The following UBA5 variants were observed in gnomAD, a reference collection of about 807,000 sequenced individuals.
UBA5 encodes ubiquitin like modifier activating enzyme 5, also known as ubiquitin-like modifier-activating enzyme 5.
A neutral mutation model predicts 52.9 loss-of-function variants in UBA5; 28 were observed. The ratio of observed to expected loss-of-function variants is 0.53; its 90% CI spans 0.39 to 0.73. UBA5 has a LOEUF of 0.73. UBA5 is among the 30% of genes least tolerant of loss of function. The pLI, the probability that UBA5 is intolerant of heterozygous loss-of-function variation, is 0.00. For synonymous variants in UBA5, 135 were observed against 162.1 expected, an observed-to-expected ratio of 0.83 and a Z score of 1.27; for missense variants, 388 against 492.7, an observed-to-expected ratio of 0.79 and a Z score of 2.01.
At chr3:132,667,678 A>G (rs1938433492) in intron 3 of UBA5, 1 of 152,182 alleles carries the variant, frequency 6.6e-6, no homozygotes, top group Non-Finnish European at 1.5e-5. Flanking sequence ...CACCAGATCT[A>G]TATTCGCTGC....
chr3:132,656,515 G>A (rs184784042), upstream of UBA5, among the ~76,000 whole-genome samples: 81 of 147,572 alleles, frequency 5.5e-4, 1 homozygote, highest in African/African-American at 1.9e-3. Context: ...TTTTTGAGAC[G>A]GAGTCTGCCT....
chr3:132,656,128 G>A (rs1049183742), upstream of UBA5, among the ~76,000 whole-genome samples: 8 of 152,048 alleles, frequency 5.3e-5, no homozygotes, highest in African/African-American at 1.2e-4. Flanking sequence ...ATTTCTTCAC[G>A]TTTTTCATTC....
At position 132,672,309 on chromosome 3, in the gene UBA5, T is replaced by A. The variant is rs187953399; in HGVS notation, c.812+132T>A. 1,717 of 1,034,466 alleles carry A rather than the reference T, an allele frequency of 1.7e-3. 4 individuals are homozygous for A. The highest frequency in any genetic ancestry group is 2.1e-3 in the Non-Finnish European group (1,530 of 741,340). The allele number at this position is 1,034,466 out of a possible 1,614,324, so 64.1% of individuals were successfully genotyped here. A position where few individuals can be genotyped will look rare whatever the true frequency, so the allele number is the denominator to read the frequency against. On this transcript the variant is annotated intron_variant, in intron 8 of 11. Transcript: ENST00000356232. ...TAGTTACTTTAAACTTAAATGTAGT[T>A]TTAAATGTTTTATATATGTATATGT...
chr3:132,668,320 G>T (rs1938464324), intron 3 of UBA5: 1 of 152,508 alleles, frequency 6.6e-6, no homozygotes, highest in Admixed American at 6.5e-5. Flanking sequence ...ATACACAAAA[G>T]GAGTCAGGTT....
upstream of UBA5, among the ~76,000 whole-genome samples, chr3:132,658,483 T>A (rs545589781): frequency 6.6e-6 from 1 of 152,218 alleles, no homozygotes; most frequent in Admixed American, 6.5e-5. Flanking sequence ...AACGTTACTA[T>A]CTCCTTTTTG....
In UBA5 at chr3:132,660,803, C is replaced by T; in HGVS notation, c.161+105C>T. Reference sequence around the variant, plus strand: ...GTCCCGCTCATGGGGACGCCCGCCACCCTTTTCTTGGTCTGCGAATCCTGT... The same window carrying T: ...GTCCCGCTCATGGGGACGCCCGCCATCCTTTTCTTGGTCTGCGAATCCTGT... On this transcript the variant is annotated intron_variant, in intron 1 of 11. Coordinates refer to ENST00000356232, the MANE Select transcript of UBA5 (RefSeq NM_024818.6). This position sits in a 1 kb window ranked among gnomAD's most constrained non-coding sequence, Gnocchi z 4.1. The T allele has an allele frequency of 2.1e-6, 3 of 1,449,930 alleles. No homozygotes were observed. The highest frequency in any genetic ancestry group is 2.7e-6 in the Non-Finnish European group (3 of 1,097,522). 89.8% of individuals were successfully genotyped at this position (1,449,930 alleles called of 1,614,324 possible).
rs1271360338 is a variant in UBA5 at position 132,668,728 on chromosome 3, C to T, written c.298-90C>T. On this transcript the variant is annotated intron_variant, in intron 3 of 11. Coordinates refer to ENST00000356232, the MANE Select transcript of UBA5 (RefSeq NM_024818.6). Reference sequence around the variant, plus strand: ...CTAATATTATTATCAAACTGCTAAACTAATTAAATGTAAAGCTCTCTAATT... The same window carrying T: ...CTAATATTATTATCAAACTGCTAAATTAATTAAATGTAAAGCTCTCTAATT... The T allele has an allele frequency of 8.9e-6, 7 of 788,994 alleles. No individual in the cohort carries two copies. The Admixed American group carries it at 1.8e-4, about 21-fold the overall frequency. The allele number at this position is 788,994 out of a possible 1,614,324, so 48.9% of individuals were successfully genotyped here.
Position 132,676,288 on chromosome 3 carries a change from CTCTG to C in UBA5, c.1132-151_1132-148del, listed in dbSNP as rs1403674836. Among the ~76,000 whole-genome samples the C allele has an allele frequency of 1.3e-5, 2 of 152,040 alleles. No homozygotes were observed. Among genetic ancestry groups the C allele is most frequent in the East Asian group, 1.9e-4 (1 of 5,200 alleles). ...AAAGACTGGTGAGGAATGTAAAAGA[CTCTG>C]TCTTTCTTCTAAAAATTAGAAGATA... On this transcript the variant is annotated intron_variant, in intron 11 of 11. Transcript: ENST00000356232. This position sits in a 1 kb window ranked among gnomAD's most constrained non-coding sequence, Gnocchi z 4.1.
chr3:132,660,037 G>A, upstream of UBA5: 1 of 398,504 alleles, frequency 2.5e-6, no homozygotes, highest in Admixed American at 4.2e-5. This position sits in a 1 kb window ranked among gnomAD's most constrained non-coding sequence, Gnocchi z 4.1. Flanking sequence ...GCAAAGCCAT[G>A]GTCATCGTTG....
upstream of UBA5, chr3:132,659,437 C>T: frequency 1.1e-6 from 1 of 922,702 alleles, no homozygotes; most frequent in Non-Finnish European, 1.6e-6. Context: ...CCCCCAGCAT[C>T]GAATTCGGAG....
intron 1 of UBA5, among the ~76,000 whole-genome samples, chr3:132,665,144 C>T (rs6786305): frequency 0.065 from 9,895 of 151,962 alleles, 1,092 homozygotes; most frequent in African/African-American, 0.23. Context: ...ATCTGATTCA[C>T]GTAATTGACT....
intron 1 of UBA5, among the ~76,000 whole-genome samples, chr3:132,665,465 G>T (rs1938337965): frequency 6.6e-6 from 1 of 152,078 alleles, no homozygotes; most frequent in Non-Finnish European, 1.5e-5. Flanking sequence ...TCTGATGATG[G>T]AGATCTGAGT....
chr3:132,655,280 TCAACA>T (rs1328948197), intron 1 of UBA5, among the ~76,000 whole-genome samples: 3 of 152,220 alleles, frequency 2.0e-5, no homozygotes, highest in African/African-American at 4.8e-5. Context: ...CAGTCAACTC[TCAACA>T]CAAGAAGCAG....
At chr3:132,671,711 A>G in intron 6 of UBA5, 66 bp from the exon 7 acceptor site, 1 of 1,314,084 alleles carries the variant, frequency 7.6e-7, no homozygotes, top group South Asian at 1.3e-5. Context: ...AGTTAAAAGA[A>G]TTTATTGTAA....
intron 1 of UBA5, among the ~76,000 whole-genome samples, chr3:132,664,663 G>T (rs1938297701): frequency 2.6e-5 from 4 of 152,122 alleles, no homozygotes; most frequent in Admixed American, 2.6e-4. Context: ...TGGTCCTGTT[G>T]TTGATCCATA....
At chr3:132,671,358 A>G (rs900112349) in intron 6 of UBA5, among the ~76,000 whole-genome samples, 1 of 152,158 alleles carries the variant, frequency 6.6e-6, no homozygotes, top group African/African-American at 2.4e-5. Context: ...CATTAGTTTT[A>G]GCTTTTGTTA....
Position 132,678,167 on chromosome 3 carries a change from C to G in UBA5, c.*1641C>G, listed in dbSNP as rs1559996601. On this transcript the variant is annotated 3_prime_UTR_variant, in exon 12 of 12. Coordinates refer to ENST00000356232, the MANE Select transcript of UBA5 (RefSeq NM_024818.6). Reference sequence around the variant, plus strand: ...ATTGCATCACTGCCTGTGTCTTACACTGCACCAAATGTTACCTAATTGACC... The same window carrying G: ...ATTGCATCACTGCCTGTGTCTTACAGTGCACCAAATGTTACCTAATTGACC... 6.6e-6 allele frequency: 1 copy of G among 152,106 alleles called. No homozygotes were observed. 9.4% of individuals were successfully genotyped at this position (152,106 alleles called of 1,614,324 possible).
At chr3:132,666,398 T>C (rs1938379456) in intron 3 of UBA5, among the ~76,000 whole-genome samples, 1 of 152,166 alleles carries the variant, frequency 6.6e-6, no homozygotes, top group East Asian at 1.9e-4. Flanking sequence ...CTAACAAATA[T>C]TTTATTAAAC....
chr3:132,665,681 C>A, intron 1 of UBA5, 142 bp from the exon 2 acceptor site: 1 of 790,122 alleles, frequency 1.3e-6, no homozygotes, highest in Non-Finnish European at 2.0e-6. Context: ...CTGGTAAAAA[C>A]CAGCCTGTAA....
Sources: gnomAD v4.1 joint callset for allele counts (sites outside exome capture counted in the v4.1 genomes callset) on GRCh38, gnomAD v4.1.1 for gene constraint, Gnocchi (gnomAD v3.1) non-coding constraint, MANE v1.5 for transcripts, NCBI Gene and HGNC (gene_info 2026-07-23, HGNC 2026-07-21) for gene names.